CLASRP: variants seen among roughly 807,000 people sequenced by gnomAD.
The protein encoded by CLASRP is CLK4 associating serine/arginine rich protein.
In CLASRP, 52 loss-of-function variants were observed where a neutral mutation model predicts 99.9. That is an observed-to-expected ratio of 0.52 (90% confidence interval 0.42 to 0.66). CLASRP has a LOEUF of 0.66. Ranked by LOEUF, CLASRP falls within the 30% of genes least tolerant of loss-of-function variation. CLASRP has a pLI of 0.00. For missense variants in CLASRP, 848 were observed against 999.2 expected, an observed-to-expected ratio of 0.85 and a Z score of 2.04; for synonymous variants, 379 against 373.0, an observed-to-expected ratio of 1.02 and a Z score of -0.18.
chr19:45,066,407 C>T (rs567616933), intron 13 of CLASRP, among the ~76,000 whole-genome samples: 1 of 152,090 alleles, frequency 6.6e-6, no homozygotes, highest in East Asian at 1.9e-4. Flanking sequence ...CGTGAGCCAC[C>T]GCGCCTGGCC....
chr19:45,043,387 G>A (rs1418578905), intron 2 of CLASRP, among the ~76,000 whole-genome samples: 2 of 146,352 alleles, frequency 1.4e-5, no homozygotes, highest in South Asian at 2.2e-4. Context: ...ACTCCAGCCT[G>A]GGCGACAGAG....
intron 11 of CLASRP, among the ~76,000 whole-genome samples, chr19:45,062,561 TAG>T (rs947219094): frequency 2.0e-5 from 3 of 152,128 alleles, no homozygotes; most frequent in Admixed American, 1.3e-4. Context: ...GTATTTTTAG[TAG>T]AGTTTAGTAG....
rs769742970 is a variant in CLASRP at position 45,069,244 on chromosome 19, A to C, written c.1870A>C (p.Met624Leu). The change falls in exon 18 of 21, where the codon ATG becomes CTG. Residue 624 changes from methionine (M) to leucine (L), a missense_variant. Physicochemically the swap from Met to Leu is conservative, Grantham distance 15. Around this residue, in one of 8 missense-constraint regions of CLASRP, gnomAD observed 116 missense variants for 162.7 expected, o/e 0.71. Transcript: ENST00000221455. ...TCGAGCCATGGCCCGCAAGATCCGC[A>C]TGAAGTAAGACCTTGCCCCTCCCTG... ...ELRAMARKIR[M>L]KERERREKER... 1.2e-5 allele frequency: 19 copies of C among 1,613,138 alleles called. No individual in the cohort carries two copies. The highest frequency in any genetic ancestry group is 1.6e-5 in the Non-Finnish European group (19 of 1,179,996).
At chr19:45,062,091 C>A in intron 10 of CLASRP, 63 bp from the exon 11 acceptor site, 1 of 1,004,058 alleles carries the variant, frequency 1.0e-6, no homozygotes. Flanking sequence ...CGGGCTTATC[C>A]CAAATTCATG....
intron 12 of CLASRP, 32 bp from the exon 13 acceptor site, chr19:45,064,311 G>GC (rs1967019516): frequency 3.3e-6 from 5 of 1,514,976 alleles, no homozygotes; most frequent in Non-Finnish European, 4.4e-6. Context: ...GCTCAGGCCT[G>GC]CGCTGACCGG....
intron 2 of CLASRP, among the ~76,000 whole-genome samples, chr19:45,051,290 AC>A (rs1363257466): frequency 1.3e-5 from 2 of 151,962 alleles, no homozygotes; most frequent in Non-Finnish European, 2.9e-5. Flanking sequence ...CTCGAGAGGA[AC>A]CAATAGCTTA....
chr19:45,065,432 G>A (rs1285242785), intron 13 of CLASRP, among the ~76,000 whole-genome samples: 3 of 150,700 alleles, frequency 2.0e-5, no homozygotes, highest in Admixed American at 6.6e-5. Context: ...GTGGTGGCAC[G>A]CGCATGTAGT....
At chr19:45,043,287 C>T (rs998490235) in intron 2 of CLASRP, among the ~76,000 whole-genome samples, 4 of 148,652 alleles carry the variant, frequency 2.7e-5, no homozygotes, top group African/African-American at 9.9e-5. Flanking sequence ...TGGTGGGCAC[C>T]TGTACTCCCA....
chr19:45,065,158 C>T (rs1738966126), intron 13 of CLASRP, among the ~76,000 whole-genome samples: 1 of 151,510 alleles, frequency 6.6e-6, no homozygotes, highest in African/African-American at 2.4e-5. Flanking sequence ...TTTGGGAGGC[C>T]GAGGCAGGCG....
intron 6 of CLASRP, among the ~76,000 whole-genome samples, chr19:45,057,033 G>C (rs1291687411): frequency 6.6e-6 from 1 of 152,152 alleles, no homozygotes; most frequent in Non-Finnish European, 1.5e-5. Flanking sequence ...GGGGAGACCC[G>C]GGCCTTATCC....
chr19:45,047,029 A>C (rs1200233734), intron 2 of CLASRP, among the ~76,000 whole-genome samples: 2 of 148,092 alleles, frequency 1.4e-5, no homozygotes, highest in African/African-American at 4.9e-5. Flanking sequence ...CTCTGTCTCC[A>C]AAAAAAAAAG....
intron 19 of CLASRP, 135 bp from the exon 20 acceptor site, chr19:45,070,402 C>A: frequency 1.2e-6 from 1 of 810,274 alleles, no homozygotes; most frequent in Non-Finnish European, 2.2e-6. Context: ...AGATGGCAGC[C>A]ACTGGACTCT....
intron 2 of CLASRP, among the ~76,000 whole-genome samples, chr19:45,045,904 C>G (rs2042480109): frequency 6.6e-6 from 1 of 152,182 alleles, no homozygotes; most frequent in African/African-American, 2.4e-5. Flanking sequence ...AAGGCTGGAG[C>G]TGAGACTCCA....
rs1342828164 is a variant in CLASRP, at chr19:45,064,177, C to A, written c.1071C>A (p.Pro357=). ...AASGVTTGKP[P]APPQPGGPAP... is the part of the protein sequence containing the mutation. Reference sequence around the variant, plus strand: ...CAGGAGTCACCACAGGGAAGCCCCCCGCACCTCCCCAGCCTGGCGGCCCCG... The same window carrying A: ...CAGGAGTCACCACAGGGAAGCCCCCAGCACCTCCCCAGCCTGGCGGCCCCG... Residue 357 remains proline, a synonymous_variant, in exon 12 of 21, where the codon CCC becomes CCA. Coordinates refer to ENST00000221455, the MANE Select transcript of CLASRP (RefSeq NM_007056.3). 4.3e-6 allele frequency: 7 copies of A among 1,609,436 alleles called. No homozygotes were observed. Among genetic ancestry groups the A allele is most frequent in the Non-Finnish European group, 5.9e-6 (7 of 1,178,692 alleles).
chr19:45,063,345 C>G (rs1212863704), intron 11 of CLASRP, among the ~76,000 whole-genome samples: 2 of 150,620 alleles, frequency 1.3e-5, no homozygotes, highest in Admixed American at 6.6e-5. Flanking sequence ...TTGCACCACA[C>G]TCAGTGTTTT....
chr19:45,066,875 T>C (rs1157337834), intron 13 of CLASRP, among the ~76,000 whole-genome samples: 1 of 152,062 alleles, frequency 6.6e-6, no homozygotes, highest in Non-Finnish European at 1.5e-5. Context: ...GGGTCTGTGC[T>C]GAGACTGGTG....
At position 45,069,073 on chromosome 19, in the gene CLASRP, G is replaced by T. The variant is rs141999176; in HGVS notation, c.1776G>T (p.Ala592=). 1 of 1,614,032 alleles carries T rather than the reference G, an allele frequency of 6.2e-7. No homozygotes were observed. The highest frequency in any genetic ancestry group is 8.5e-7 in the Non-Finnish European group (1 of 1,179,970). ...MQKALNRQFK[A]DKKAAQEKMI... is the part of the protein sequence containing the mutation. ...TGTTCTTTCTCTCTACAGTCAAGGC[G>T]GATAAGAAGGCGGCACAAGAAAAGA... is the stretch of plus-strand genomic sequence containing the variant. The change falls in exon 17 of 21, where the codon GCG becomes GCT. Residue 592 remains alanine (A), a synonymous_variant. Coordinates refer to ENST00000221455, the MANE Select transcript of CLASRP (RefSeq NM_007056.3).
In CLASRP at chr19:45,070,004, C is replaced by G; in HGVS notation, c.1875-18C>G. On this transcript the variant is annotated intron_variant, in intron 18 of 20. Coordinates refer to ENST00000221455, the MANE Select transcript of CLASRP (RefSeq NM_007056.3). The stretch of plus-strand genomic sequence containing the variant: ...TGTCCAGTGTTCCCGGCCAGATGCT[C>G]ATGCCATGCCTTCGCAGGGAGCGGG... 6.8e-7 allele frequency: 1 copy of G among 1,467,076 alleles called. No homozygotes were observed. Among genetic ancestry groups the G allele is most frequent in the South Asian group, 1.1e-5 (1 of 88,076 alleles). 90.9% of individuals were successfully genotyped at this position (1,467,076 alleles called of 1,614,324 possible).
rs371322204 is a variant in CLASRP at position 45,070,529 on chromosome 19, C to T, written c.1958-8C>T. 27 of 1,613,800 alleles carry T rather than the reference C, an allele frequency of 1.7e-5. No individual in the cohort carries two copies. In the African/African-American group the frequency reaches 3.6e-4, roughly 22 times the overall value. The stretch of plus-strand genomic sequence containing the variant: ...TTGCTCGCTCTTCACCTGTTGTTTT[C>T]TTTCCAGGTCGAGAATACAGCTCTT... On this transcript the variant is annotated splice_region_variant and splice_polypyrimidine_tract_variant and intron_variant, in intron 19 of 20. Transcript: ENST00000221455.
Sources: gnomAD v4.1 joint callset for allele counts (sites outside exome capture counted in the v4.1 genomes callset) on GRCh38, gnomAD v4.1.1 for gene constraint, gnomAD v4.1.1 regional missense constraint, MANE v1.5 for transcripts, NCBI Gene and HGNC (gene_info 2026-07-23, HGNC 2026-07-21) for gene names.